Variants in EEFSEC observed in about 807,000 individuals in gnomAD.
EEFSEC encodes the protein eukaryotic elongation factor, selenocysteine-tRNA specific.
EEFSEC carries 43 observed loss-of-function variants against 42.1 expected under a neutral mutation model. The ratio of observed to expected loss-of-function variants is 1.02; its 90% CI spans 0.80 to 1.32. The LOEUF (loss-of-function observed/expected upper bound fraction) is 1.32. Among genes scored for constraint, EEFSEC ranks in the 40% most tolerant of loss-of-function variants. The probability of loss-of-function intolerance (pLI) is 0.00; values close to 1 mark genes in which losing one functional copy is unlikely to be tolerated. For missense variants in EEFSEC, 745 were observed against 803.6 expected, an observed-to-expected ratio of 0.93 and a Z score of 0.88; for synonymous variants, 354 against 339.1, an observed-to-expected ratio of 1.04 and a Z score of -0.48.
At chr3:128,270,985 C>T (rs988851839) in intron 4 of EEFSEC, among the ~76,000 whole-genome samples, 12 of 152,248 alleles carry the variant, frequency 7.9e-5, no homozygotes, top group Admixed American at 5.9e-4. Flanking sequence ...ATCCTGGGCT[C>T]GGCCCAGAAA....
At chr3:128,400,932 A>G (rs1317886398) in intron 6 of EEFSEC, among the ~76,000 whole-genome samples, 1 of 152,164 alleles carries the variant, frequency 6.6e-6, no homozygotes. Flanking sequence ...GAGTGTCTCC[A>G]CGGGAAGCCA....
chr3:128,338,847 T>C (rs999611357), intron 4 of EEFSEC, among the ~76,000 whole-genome samples: 1 of 152,160 alleles, frequency 6.6e-6, no homozygotes, highest in East Asian at 1.9e-4. Context: ...GGAGTCCCCA[T>C]AGAATTCCAG....
intron 1 of EEFSEC, among the ~76,000 whole-genome samples, chr3:128,202,063 C>T (rs935524818): frequency 6.6e-6 from 1 of 152,142 alleles, no homozygotes; most frequent in African/African-American, 2.4e-5. Flanking sequence ...GTCTTCACAC[C>T]AATATCGCAC....
At chr3:128,423,330 A>G in the EEFSEC span, among the ~76,000 whole-genome samples, 1 of 152,196 alleles carries the variant, frequency 6.6e-6, no homozygotes, top group African/African-American at 2.4e-5. Context: ...AAAAGGAATG[A>G]AGGCCAGGTG....
intron 2 of EEFSEC, among the ~76,000 whole-genome samples, chr3:128,257,106 C>T (rs1296614430): frequency 1.3e-5 from 2 of 152,176 alleles, no homozygotes; most frequent in East Asian, 1.9e-4. Context: ...AAAGTTGTAG[C>T]GTGTAGGCTC....
At chr3:128,399,615 G>T (rs2068025671) in intron 6 of EEFSEC, among the ~76,000 whole-genome samples, 1 of 152,122 alleles carries the variant, frequency 6.6e-6, no homozygotes, top group Non-Finnish European at 1.5e-5. Context: ...CGACGTTAAA[G>T]GCTTTAGCTC....
chr3:128,218,886 T>G (rs1182079048), intron 1 of EEFSEC, among the ~76,000 whole-genome samples: 20 of 152,248 alleles, frequency 1.3e-4, no homozygotes, highest in Admixed American at 1.3e-3. Context: ...AACATAAGAA[T>G]TCTTCTCTTT....
chr3:128,364,555 G>A (rs559381070), intron 6 of EEFSEC, among the ~76,000 whole-genome samples: 4 of 152,318 alleles, frequency 2.6e-5, no homozygotes, highest in African/African-American at 7.2e-5. Context: ...ATGGGGAGTC[G>A]GGAACCTGGC....
chr3:128,207,272 C>G (rs1576545187), intron 1 of EEFSEC, among the ~76,000 whole-genome samples: 1 of 140,098 alleles, frequency 7.1e-6, no homozygotes, highest in East Asian at 2.4e-4. Context: ...TTTCTTCCCT[C>G]CATCTTCCTG....
At chr3:128,211,853 T>G (rs1320773918) in intron 1 of EEFSEC, among the ~76,000 whole-genome samples, 1 of 104,946 alleles carries the variant, frequency 9.5e-6, no homozygotes, top group African/African-American at 3.8e-5. Context: ...CTTTTCTTTT[T>G]TTTTTTTTTT....
chr3:128,179,234 G>T (rs1415967732), intron 1 of EEFSEC, among the ~76,000 whole-genome samples: 2 of 152,168 alleles, frequency 1.3e-5, no homozygotes, highest in Non-Finnish European at 2.9e-5. Flanking sequence ...AACATGTTCT[G>T]TGCAGGCGAA....
intron 4 of EEFSEC, among the ~76,000 whole-genome samples, chr3:128,300,178 C>G (rs1459995013): frequency 1.3e-5 from 2 of 152,220 alleles, no homozygotes; most frequent in Non-Finnish European, 2.9e-5. Flanking sequence ...CCCCAGCTGC[C>G]TTTCTCTTTG....
At chr3:128,341,169 C>T (rs950768969) in intron 4 of EEFSEC, 64 bp from the exon 5 acceptor site, 6 of 1,529,062 alleles carry the variant, frequency 3.9e-6, no homozygotes, top group Non-Finnish European at 5.3e-6. Context: ...CTGCAGCTCC[C>T]CTCTCCTCCC....
intron 1 of EEFSEC, among the ~76,000 whole-genome samples, chr3:128,166,886 CAT>C (rs2065246977): frequency 1.3e-5 from 2 of 152,284 alleles, no homozygotes; most frequent in Non-Finnish European, 2.9e-5. Context: ...CATTCCCTCA[CAT>C]AGTCTCCTTG....
chr3:128,414,105 G>T, the EEFSEC span, among the ~76,000 whole-genome samples: 12 of 152,286 alleles, frequency 7.9e-5, no homozygotes, highest in South Asian at 2.5e-3. Context: ...CCTGCCTCCC[G>T]CCAACGTCTA....
chr3:128,190,154 T>G (rs1000336123), intron 1 of EEFSEC, among the ~76,000 whole-genome samples: 4 of 152,200 alleles, frequency 2.6e-5, no homozygotes, highest in African/African-American at 9.6e-5. Flanking sequence ...TGAGCCACCA[T>G]GCCCAGCCGC....
rs1176875594 is a variant in EEFSEC, at chr3:128,341,570, T to C, written c.1124T>C (p.Phe375Ser). 1 of 1,613,916 alleles carries C rather than the reference T, an allele frequency of 6.2e-7. No homozygotes were observed. The highest frequency in any genetic ancestry group is 1.7e-5 in the Admixed American group (1 of 60,012). Residue 375 changes from phenylalanine (F) to serine (S), a missense_variant, in exon 5 of 7, where the codon TTC becomes TCC. Phe to Ser is a radical substitution (Grantham distance 155, BLOSUM62 -2). Transcript: ENST00000254730. ...DSFNFSQEYL[F>S]QEQYLSKDLT... ...TTCAACTTCTCTCAAGAATACCTTT[T>C]CCAGGAGCAGTACCTGTCCAAGGAT...
intron 4 of EEFSEC, chr3:128,337,225 C>T (rs1235926613): frequency 2.0e-5 from 3 of 152,216 alleles, no homozygotes; most frequent in African/African-American, 4.8e-5. Context: ...CTGTGAGAAC[C>T]CATGGGAGTG....
intron 4 of EEFSEC, among the ~76,000 whole-genome samples, chr3:128,301,349 G>A (rs1258696364): frequency 6.6e-5 from 10 of 152,178 alleles, no homozygotes; most frequent in Admixed American, 6.5e-4. Context: ...AAGGCTTGGT[G>A]TACATCTCAC....
Sources: allele counts gnomAD v4.1 joint callset (sites outside exome capture counted in the v4.1 genomes callset), GRCh38; gene constraint gnomAD v4.1.1; transcripts MANE v1.5; gene names NCBI Gene and HGNC (gene_info 2026-07-23, HGNC 2026-07-21).